Variants in INSL6 observed in about 807,000 individuals in gnomAD.
INSL6 encodes the protein insulin like 6, also known as insulin-like peptide INSL6.
Under a neutral mutation model 9.4 loss-of-function variants are expected in INSL6, and 16 were observed. The observed-to-expected ratio is 1.70, with a 90% CI of 1.15 to 2.59. The LOEUF is 2.59. Among genes scored for constraint, INSL6 ranks in the 30% most tolerant of loss-of-function variants. The pLI is 0.00. For missense variants in INSL6, 391 were observed against 257.3 expected (o/e 1.52, Z -3.56); for synonymous variants, 154 against 96.9 (o/e 1.59, Z -3.46).
the INSL6 span, chr9:5,111,018 G>A: frequency 1.2e-5 from 9 of 782,480 alleles, no homozygotes; most frequent in East Asian, 2.6e-4. Flanking sequence ...GGAAGGGCCG[G>A]CCCGCCTCCC....
the INSL6 span, chr9:5,055,638 C>T: frequency 9.4e-6 from 14 of 1,492,242 alleles, no homozygotes; most frequent in East Asian, 2.3e-5. Context: ...AAATTCTACC[C>T]GTTTTTAATT....
chr9:5,153,959 T>G (rs776663108), intron 2 of INSL6, among the ~76,000 whole-genome samples: 1 of 152,158 alleles, frequency 6.6e-6, no homozygotes, highest in African/African-American at 2.4e-5. Flanking sequence ...CTTCAGAGAA[T>G]TGGAAAAAAC....
chr9:5,184,164 A>G (rs1825517132), intron 1 of INSL6, among the ~76,000 whole-genome samples: 1 of 152,204 alleles, frequency 6.6e-6, no homozygotes, highest in Admixed American at 6.5e-5. Context: ...ATTCCAAAAA[A>G]GCTAATGAGT....
chr9:5,042,487 A>G, the INSL6 span, among the ~76,000 whole-genome samples: 2 of 152,144 alleles, frequency 1.3e-5, no homozygotes, highest in African/African-American at 4.8e-5. Flanking sequence ...CTCCAAGAGC[A>G]TTAACTATTT....
chr9:5,158,371 G>A (rs1028035459), intron 2 of INSL6, among the ~76,000 whole-genome samples: 6 of 151,710 alleles, frequency 4.0e-5, no homozygotes, highest in African/African-American at 1.5e-4. Flanking sequence ...AATTTAAGAA[G>A]GTTAGAGAAC....
At chr9:5,132,290 TG>T (rs1824306448) in intron 3 of INSL6, 1 of 152,212 alleles carries the variant, frequency 6.6e-6, no homozygotes, top group Non-Finnish European at 1.5e-5. Context: ...ATCTAAAGAA[TG>T]ATGAACATGG....
intron 2 of INSL6, among the ~76,000 whole-genome samples, chr9:5,144,400 T>G (rs1448185689): frequency 1.3e-5 from 2 of 152,202 alleles, no homozygotes; most frequent in African/African-American, 4.8e-5. Context: ...TTGTATTTGC[T>G]CAAGAGTGTT....
At chr9:5,019,781 T>C in the INSL6 span, among the ~76,000 whole-genome samples, 1 of 152,112 alleles carries the variant, frequency 6.6e-6, no homozygotes, top group South Asian at 2.1e-4. Context: ...GTGTAGTCTC[T>C]GTAAGATTTT....
chr9:5,032,397 A>T, the INSL6 span, among the ~76,000 whole-genome samples: 1 of 152,204 alleles, frequency 6.6e-6, no homozygotes, highest in Non-Finnish European at 1.5e-5. Flanking sequence ...TTTGAAGAGT[A>T]GTGGTTCTCC....
exon 4 of INSL6, among the ~76,000 whole-genome samples, chr9:5,124,313 G>C (rs947736190): frequency 1.3e-5 from 2 of 151,206 alleles, no homozygotes; most frequent in Non-Finnish European, 3.0e-5. Context: ...GTTTTCTCTA[G>C]GTTTTTTTTC....
the INSL6 span, among the ~76,000 whole-genome samples, chr9:5,105,224 A>C: frequency 6.6e-6 from 1 of 152,220 alleles, no homozygotes; most frequent in South Asian, 2.1e-4. Context: ...CAGGATACAA[A>C]ATCAATGTGC....
At chr9:5,081,604 T>C in the INSL6 span, 1 of 639,318 alleles carries the variant, frequency 1.6e-6, no homozygotes, top group African/African-American at 1.8e-5. Context: ...ACTATTTGAG[T>C]TTCCCTGTAT....
At chr9:5,111,699 C>G in the INSL6 span, 1 of 431,400 alleles carries the variant, frequency 2.3e-6, no homozygotes, top group South Asian at 1.7e-5. Context: ...GGCAGCAGCA[C>G]GTTTGGCGGC....
the INSL6 span, among the ~76,000 whole-genome samples, chr9:5,008,997 C>T: frequency 3.3e-5 from 5 of 152,038 alleles, no homozygotes; most frequent in South Asian, 2.1e-4. Flanking sequence ...TCCTTTGAGT[C>T]GTATTATTCA....
At chr9:5,009,707 G>T in the INSL6 span, among the ~76,000 whole-genome samples, 4 of 152,012 alleles carry the variant, frequency 2.6e-5, no homozygotes, top group East Asian at 7.7e-4. Flanking sequence ...TGCTTTTTAT[G>T]TGTGTGCAGA....
the INSL6 span, among the ~76,000 whole-genome samples, chr9:5,000,873 T>C: frequency 1.1e-4 from 17 of 152,342 alleles, no homozygotes; most frequent in East Asian, 3.3e-3. Flanking sequence ...TTGGTTTGCA[T>C]ATGAAAAGTT....
At chr9:5,036,757 C>A in the INSL6 span, among the ~76,000 whole-genome samples, 1 of 152,130 alleles carries the variant, frequency 6.6e-6, no homozygotes, top group African/African-American at 2.4e-5. Flanking sequence ...ACCATAAAAA[C>A]CCTAGAAGAA....
chr9:5,040,952 ATC>A, the INSL6 span: 1 of 474,272 alleles, frequency 2.1e-6, no homozygotes, highest in Admixed American at 3.1e-5. Flanking sequence ...CAAGGAAAGA[ATC>A]TCTATACAAA....
chr9:4,996,177 G>A, the INSL6 span, among the ~76,000 whole-genome samples: 1 of 152,142 alleles, frequency 6.6e-6, no homozygotes, highest in African/African-American at 2.4e-5. Context: ...TATTTTAGAG[G>A]GTCAAATTTA....
Sources: allele counts gnomAD v4.1 joint callset (sites outside exome capture counted in the v4.1 genomes callset), GRCh38; gene constraint gnomAD v4.1.1; transcripts MANE v1.5; gene names NCBI Gene and HGNC (gene_info 2026-07-23, HGNC 2026-07-21).